NBAS: variants seen among roughly 807,000 people sequenced by gnomAD.
NBAS encodes the protein NAG/BC035112 fusion.
A neutral mutation model predicts 302.5 loss-of-function variants in NBAS; 219 were observed. The observed-to-expected ratio is 0.72, with a 90% CI of 0.65 to 0.81. The LOEUF (loss-of-function observed/expected upper bound fraction) is 0.81, where lower values mean the gene tolerates loss of function less well. NBAS is among the 30% of genes least tolerant of loss of function. NBAS has a pLI of 0.00. For synonymous variants in NBAS, 1,118 were observed against 1,021.6 expected, an observed-to-expected ratio of 1.09 and a Z score of -1.80; for missense variants, 2,932 against 2,841.6, an observed-to-expected ratio of 1.03 and a Z score of -0.72.
the NBAS span, among the ~76,000 whole-genome samples, chr2:14,789,901 T>C: frequency 2.6e-5 from 4 of 152,338 alleles, no homozygotes; most frequent in African/African-American, 9.6e-5. Context: ...AACCAGAAAC[T>C]GGACCTAATG....
At chr2:15,161,030 G>C in the NBAS span, among the ~76,000 whole-genome samples, 4 of 152,186 alleles carry the variant, frequency 2.6e-5, no homozygotes, top group African/African-American at 9.7e-5. Context: ...CCAAGTTCAT[G>C]GTCATGGAGA....
the NBAS span, among the ~76,000 whole-genome samples, chr2:14,970,382 G>A: frequency 0.07 from 10,666 of 152,194 alleles, 444 homozygotes; most frequent in East Asian, 0.098. Context: ...TCTAGAGCTG[G>A]GCTGCTGAAA....
At chr2:15,494,240 A>G (rs1680980795) in intron 11 of NBAS, among the ~76,000 whole-genome samples, 1 of 152,226 alleles carries the variant, frequency 6.6e-6, no homozygotes, top group Non-Finnish European at 1.5e-5. Flanking sequence ...AATTTTGGTC[A>G]AGAACATTAA....
chr2:15,318,668 G>C (rs1472023354), intron 38 of NBAS, among the ~76,000 whole-genome samples: 1 of 152,048 alleles, frequency 6.6e-6, no homozygotes, highest in African/African-American at 2.4e-5. Flanking sequence ...ATTACATAAT[G>C]GTAAAGGGAT....
the NBAS span, among the ~76,000 whole-genome samples, chr2:15,054,028 C>T: frequency 1.3e-5 from 2 of 151,934 alleles, no homozygotes; most frequent in African/African-American, 2.4e-5. Context: ...CAAAACCAAT[C>T]GAGATCATTG....
At chr2:15,001,640 T>G in the NBAS span, among the ~76,000 whole-genome samples, 1 of 152,174 alleles carries the variant, frequency 6.6e-6, no homozygotes, top group African/African-American at 2.4e-5. Flanking sequence ...CCAGAATTTG[T>G]GGGTTCTTGG....
chr2:15,115,843 G>T, the NBAS span, among the ~76,000 whole-genome samples: 1 of 151,876 alleles, frequency 6.6e-6, no homozygotes, highest in East Asian at 1.9e-4. Context: ...ATCATCCTAG[G>T]GCCTCAGCAG....
chr2:14,909,366 T>TAAAAAAAAAAAAAA, the NBAS span, among the ~76,000 whole-genome samples: 1,600 of 78,300 alleles, frequency 0.02, 128 homozygotes, highest in Non-Finnish European at 0.028. Context: ...GGAGAGTTTC[T>TAAAAAAAAAAAAAA]AAAAAAAAAA....
At chr2:15,449,028 T>C (rs1245860772) in intron 21 of NBAS, among the ~76,000 whole-genome samples, 1 of 152,166 alleles carries the variant, frequency 6.6e-6, no homozygotes, top group East Asian at 1.9e-4. Context: ...AAAATGAATA[T>C]GAAAGAGAAC....
At chr2:15,247,901 G>A (rs536571458) in intron 44 of NBAS, among the ~76,000 whole-genome samples, 2 of 152,174 alleles carry the variant, frequency 1.3e-5, no homozygotes, top group South Asian at 4.2e-4. Context: ...CAACGAGAAA[G>A]AAGGTTAACA....
intron 21 of NBAS, among the ~76,000 whole-genome samples, chr2:15,452,411 C>T (rs1168456414): frequency 2.1e-5 from 3 of 146,250 alleles, no homozygotes; most frequent in East Asian, 2.0e-4. Flanking sequence ...CTGGCTAACA[C>T]GGTGAAACCC....
chr2:15,378,272 T>A (rs762966086), intron 30 of NBAS, among the ~76,000 whole-genome samples: 1 of 151,916 alleles, frequency 6.6e-6, no homozygotes, highest in Admixed American at 6.6e-5. Context: ...TAGAGCAGGG[T>A]CTAGAAAGGG....
At chr2:15,274,823 G>T (rs1395894238) in intron 44 of NBAS, among the ~76,000 whole-genome samples, 6 of 151,984 alleles carry the variant, frequency 3.9e-5, no homozygotes, top group Admixed American at 3.9e-4. Flanking sequence ...GGAGTGCAGT[G>T]GCATGATCTC....
chr2:15,276,179 CA>C (rs2148056905), intron 43 of NBAS, among the ~76,000 whole-genome samples: 1 of 152,286 alleles, frequency 6.6e-6, no homozygotes, highest in South Asian at 2.1e-4. Context: ...ATTTATCTGG[CA>C]TTTCACTAGT....
At chr2:15,242,619 G>A (rs1258898539) in intron 44 of NBAS, among the ~76,000 whole-genome samples, 1 of 149,544 alleles carries the variant, frequency 6.7e-6, no homozygotes, top group Non-Finnish European at 1.5e-5. Context: ...AGAAAGAAAT[G>A]ATTAAAAAAA....
intron 50 of NBAS, among the ~76,000 whole-genome samples, chr2:15,180,904 T>A (rs543847592): frequency 3.9e-4 from 60 of 152,334 alleles, no homozygotes; most frequent in African/African-American, 1.4e-3. Context: ...TACTTGCTCT[T>A]TAAGTCTCAG....
chr2:15,068,986 G>A, the NBAS span, among the ~76,000 whole-genome samples: 6 of 152,102 alleles, frequency 3.9e-5, no homozygotes, highest in African/African-American at 1.2e-4. Context: ...ACATGGTTGG[G>A]GGGGCTTAGC....
chr2:14,893,172 C>T, the NBAS span, among the ~76,000 whole-genome samples: 1 of 152,262 alleles, frequency 6.6e-6, no homozygotes, highest in East Asian at 1.9e-4. Flanking sequence ...TGCATGTTTT[C>T]AGGCAATGAA....
chr2:15,207,905 T>G (rs1666221146), intron 48 of NBAS, among the ~76,000 whole-genome samples: 1 of 151,692 alleles, frequency 6.6e-6, no homozygotes, highest in African/African-American at 2.4e-5. Flanking sequence ...AACACAAAAT[T>G]GATTTCAAGA....
Sources: gnomAD v4.1 joint callset for allele counts (sites outside exome capture counted in the v4.1 genomes callset) on GRCh38, gnomAD v4.1.1 for gene constraint, MANE v1.5 for transcripts, NCBI Gene and HGNC (gene_info 2026-07-23, HGNC 2026-07-21) for gene names.